CLCA2: variants seen among roughly 807,000 people sequenced by gnomAD.
CLCA2 encodes the protein calcium-activated chloride channel regulator 2.
CLCA2 carries 85 observed loss-of-function variants against 82.9 expected under a neutral mutation model. The observed-to-expected ratio is 1.03, with a 90% CI of 0.86 to 1.23. CLCA2 has a LOEUF of 1.23. Ranked by LOEUF, CLCA2 falls within the 50% of genes most tolerant of loss-of-function variation. The probability of loss-of-function intolerance (pLI) is 0.00; values close to 1 mark genes in which losing one functional copy is unlikely to be tolerated. For synonymous variants in CLCA2, 421 were observed against 391.7 expected (o/e 1.07, Z -0.88); for missense variants, 1,089 against 1,124.8 (o/e 0.97, Z 0.45).
At chr1:86,436,638 CTAATA>C (rs1662614133) in intron 6 of CLCA2, among the ~76,000 whole-genome samples, 1 of 152,160 alleles carries the variant, frequency 6.6e-6, no homozygotes, top group Non-Finnish European at 1.5e-5. Flanking sequence ...AAAAACTCCA[CTAATA>C]TAGCCAGCAT....
Position 86,455,579 on chromosome 1 carries a change from C to A in CLCA2, c.*52C>A, listed in dbSNP as rs1663061621. ...TAGATATAAGACCCATGGCCTTCGA[C>A]TACAAAAACATACTAACAAAGTCAA... On this transcript the variant is annotated 3_prime_UTR_variant, in exon 14 of 14. Coordinates refer to ENST00000370565, the MANE Select transcript of CLCA2 (RefSeq NM_006536.7). 1 of 1,201,584 alleles carries A rather than the reference C, an allele frequency of 8.3e-7. No individual in the cohort carries two copies. The highest frequency in any genetic ancestry group is 1.1e-6 in the Non-Finnish European group (1 of 901,480). 74.4% of individuals were successfully genotyped at this position (1,201,584 alleles called of 1,614,324 possible).
rs776287957 is a variant in CLCA2, at chr1:86,434,676, A to T, written c.903A>T (p.Thr301=). ...MNGTELPPPP[T]FSLVQAGDKV... is the part of the protein sequence containing the mutation. ...GGACTGAGCTTCCACCTCCTCCCAC[A>T]TTCTCGCTTGTACAGGCTGGTGACA... Residue 301 remains threonine, a synonymous_variant, in exon 6 of 14, where the codon ACA becomes ACT. Transcript: ENST00000370565. 20 of 1,614,112 alleles carry T rather than the reference A, an allele frequency of 1.2e-5. No homozygotes were observed. The highest frequency in any genetic ancestry group is 1.7e-4 in the Middle Eastern group (1 of 6,060).
chr1:86,434,508 T>C lies in CLCA2; in HGVS notation c.745-10T>C, dbSNP rs533263824. The C allele has an allele frequency of 2.2e-5, 36 of 1,611,982 alleles. No individual in the cohort carries two copies. Among genetic ancestry groups the C allele is most frequent in the South Asian group, 4.4e-5 (4 of 91,004 alleles). On this transcript the variant is annotated splice_polypyrimidine_tract_variant and intron_variant, in intron 5 of 13. Coordinates refer to ENST00000370565, the MANE Select transcript of CLCA2 (RefSeq NM_006536.7). The stretch of plus-strand genomic sequence containing the variant: ...TGCCTCTCTTTATTAAAGACTGTTT[T>C]TATTTCCAGGTGGTTGAATTTTGTA...
rs768200366 is a variant in CLCA2 at position 86,428,469 on chromosome 1, A to G, written c.376A>G (p.Thr126Ala). ...WYGAHGDDPY[T>A]LQYRGCGKEG... ...TGGGGCACATGGAGATGATCCATAC[A>G]CCCTACAATACAGAGGGTGTGGAAA... The change falls in exon 3 of 14, where the codon ACC becomes GCC. Residue 126 changes from threonine (T) to alanine (A), a missense_variant. Transcript: ENST00000370565. 1.9e-6 allele frequency: 3 copies of G among 1,613,300 alleles called. No individual in the cohort carries two copies. Among genetic ancestry groups the G allele is most frequent in the Non-Finnish European group, 2.5e-6 (3 of 1,179,606 alleles).
Position 86,455,298 on chromosome 1 carries a change from C to A in CLCA2, c.2603C>A (p.Ala868Glu). Residue 868 changes from alanine to glutamate, a missense_variant, in exon 14 of 14, where the codon GCA becomes GAA. Ala to Glu is a moderately radical substitution (Grantham distance 107). Transcript: ENST00000370565. The part of the protein sequence containing the change: ...ESHRIYVAIR[A>E]MDRNSLQSAV... ...CACAGAATTTATGTTGCAATACGAG[C>A]AATGGATAGGAACTCCTTACAGTCT... is the stretch of plus-strand genomic sequence containing the variant. The A allele has an allele frequency of 6.2e-7, 1 of 1,614,044 alleles. No individual in the cohort carries two copies.
At position 86,430,978 on chromosome 1, in the gene CLCA2, C is replaced by T; in HGVS notation, c.584+8C>T. On this transcript the variant is annotated splice_region_variant and intron_variant, in intron 4 of 13. Transcript: ENST00000370565. ...TCAAATTAAAGTGACAAGGTTAGTA[C>T]TTTTTTTCATGTTATAATTCATTAT... 1 of 1,567,716 alleles carries T rather than the reference C, an allele frequency of 6.4e-7. No individual in the cohort carries two copies. Among genetic ancestry groups the T allele is most frequent in the Non-Finnish European group, 8.8e-7 (1 of 1,141,900 alleles).
intron 3 of CLCA2, among the ~76,000 whole-genome samples, chr1:86,430,384 A>T (rs1022832042): frequency 6.6e-6 from 1 of 152,160 alleles, no homozygotes; most frequent in Non-Finnish European, 1.5e-5. Flanking sequence ...CCTAGGTTTC[A>T]ACTATTGCTC....
chr1:86,430,835 C>A, intron 3 of CLCA2, 27 bp from the exon 4 acceptor site: 1 of 1,586,074 alleles, frequency 6.3e-7, no homozygotes, highest in Non-Finnish European at 8.6e-7. Flanking sequence ...TTTAGAAGCT[C>A]AAAAGCAAAA....
At chr1:86,450,474 T>A in intron 11 of CLCA2, 89 bp from the exon 12 acceptor site, 1 of 993,034 alleles carries the variant, frequency 1.0e-6, no homozygotes. Context: ...ATAGAAAGAA[T>A]AAGGGGAGTA....
At chr1:86,440,040 C>A (rs1051545207) in intron 7 of CLCA2, 108 bp from the exon 8 acceptor site, 6 of 1,039,448 alleles carry the variant, frequency 5.8e-6, no homozygotes, top group African/African-American at 1.6e-5. Context: ...TGGAGATGGG[C>A]GTGGGGTGTA....
intron 5 of CLCA2, among the ~76,000 whole-genome samples, chr1:86,433,918 T>C (rs1662548558): frequency 6.6e-6 from 1 of 152,066 alleles, no homozygotes; most frequent in African/African-American, 2.4e-5. Flanking sequence ...TATTTTTAAG[T>C]GGGGTATTGA....
intron 11 of CLCA2, chr1:86,448,062 C>T: frequency 2.3e-6 from 1 of 435,760 alleles, no homozygotes; most frequent in Non-Finnish European, 4.1e-6. Context: ...TGAGGTCATA[C>T]AGGAGCAGGC....
rs769279788 is a variant in CLCA2 at position 86,453,581 on chromosome 1, G to A, written c.2368G>A (p.Glu790Lys). 1.2e-6 allele frequency: 2 copies of A among 1,614,070 alleles called. No individual in the cohort carries two copies. The highest frequency in any genetic ancestry group is 4.5e-5 in the East Asian group (2 of 44,876). ...ELTLSWTAPG[E>K]DFDQGQATSY... Reference sequence around the variant, plus strand: ...GACCCTATCTTGGACAGCACCTGGAGAAGACTTTGATCAGGGCCAGGGTAG... The same window carrying A: ...GACCCTATCTTGGACAGCACCTGGAAAAGACTTTGATCAGGGCCAGGGTAG... The change falls in exon 13 of 14, where the codon GAA becomes AAA. Residue 790 changes from glutamate to lysine, a missense_variant. Transcript: ENST00000370565.
Position 86,428,587 on chromosome 1 carries a change from A to G in CLCA2, c.475+19A>G. 7 of 1,609,874 alleles carry G rather than the reference A, an allele frequency of 4.3e-6. No homozygotes were observed. Among genetic ancestry groups the G allele is most frequent in the South Asian group, 1.1e-5 (1 of 90,354 alleles). ...TCACGAGGTAAGTGGGACCAATAAA[A>G]CAATAGCCATTGGACAATACTACTT... On this transcript the variant is annotated intron_variant, in intron 3 of 13. Transcript: ENST00000370565.
intron 13 of CLCA2, 91 bp from the exon 14 acceptor site, chr1:86,454,994 T>G (rs1280373203): frequency 1.4e-6 from 1 of 701,452 alleles, no homozygotes; most frequent in Non-Finnish European, 2.2e-6. Flanking sequence ...ATATTTTGAC[T>G]TTTTGTTGCT....
chr1:86,434,785 T>C lies in CLCA2; in HGVS notation c.972+40T>C. Reference sequence around the variant, plus strand: ...GAAAATGAATGTAAACATTTATCATTTTTTCTATCAGTTCTTTATTATCTC... The same window carrying C: ...GAAAATGAATGTAAACATTTATCATCTTTTCTATCAGTTCTTTATTATCTC... On this transcript the variant is annotated intron_variant, in intron 6 of 13. Transcript: ENST00000370565. 3 of 1,468,328 alleles carry C rather than the reference T, an allele frequency of 2.0e-6. No homozygotes were observed. The South Asian group carries it at 3.4e-5, about 17-fold the overall frequency. 91.0% of individuals were successfully genotyped at this position (1,468,328 alleles called of 1,614,324 possible). A position where few individuals can be genotyped will look rare whatever the true frequency, so the allele number is the denominator to read the frequency against.
In CLCA2 at chr1:86,434,556, A is replaced by G; in HGVS notation, c.783A>G (p.Glu261=). ...EFCNASTHNQ[E]APNLQNQMCS... ...GTAATGCAAGTACCCACAACCAAGAAGCACCAAACCTACAGAACCAGATGT... is the reference window on the plus strand; with the variant it reads ...GTAATGCAAGTACCCACAACCAAGAGGCACCAAACCTACAGAACCAGATGT... Residue 261 remains glutamate, a synonymous_variant, in exon 6 of 14, where the codon GAA becomes GAG. Coordinates refer to ENST00000370565, the MANE Select transcript of CLCA2 (RefSeq NM_006536.7). 1 of 1,614,068 alleles carries G rather than the reference A, an allele frequency of 6.2e-7. No homozygotes were observed. Among genetic ancestry groups the G allele is most frequent in the Non-Finnish European group, 8.5e-7 (1 of 1,179,970 alleles).
Position 86,438,845 on chromosome 1 carries a change from G to A in CLCA2, c.973-31G>A, listed in dbSNP as rs1329445072. On this transcript the variant is annotated intron_variant, in intron 6 of 13. Coordinates refer to ENST00000370565, the MANE Select transcript of CLCA2 (RefSeq NM_006536.7). ...TACTTTTGTCTACTAACCAAATGTTGCCATTTTCTTTTTTCCTTTTTGGGA... is the reference window on the plus strand; with the variant it reads ...TACTTTTGTCTACTAACCAAATGTTACCATTTTCTTTTTTCCTTTTTGGGA... The A allele has an allele frequency of 5.7e-6, 9 of 1,590,800 alleles. No individual in the cohort carries two copies. The East Asian group carries it at 1.8e-4, about 32-fold the overall frequency.
intron 4 of CLCA2, 31 bp from the exon 5 acceptor site, chr1:86,432,338 C>T: frequency 6.2e-7 from 1 of 1,609,786 alleles, no homozygotes; most frequent in Non-Finnish European, 8.5e-7. Context: ...CTAAAATAGA[C>T]CTAATTCCCA....
Sources: gnomAD v4.1 joint callset for allele counts (sites outside exome capture counted in the v4.1 genomes callset) on GRCh38, gnomAD v4.1.1 for gene constraint, MANE v1.5 for transcripts, NCBI Gene and HGNC (gene_info 2026-07-23, HGNC 2026-07-21) for gene names.